The following UPF2 variants were observed in gnomAD, a reference collection of about 807,000 sequenced individuals.
The protein encoded by UPF2 is UPF2 regulator of nonsense mediated mRNA decay, also known as regulator of nonsense transcripts 2.
Under a neutral mutation model 141.4 loss-of-function variants are expected in UPF2, and 17 were observed. The observed-to-expected ratio is 0.12, with a 90% CI of 0.08 to 0.18. The LOEUF (loss-of-function observed/expected upper bound fraction) is 0.18, where lower values mean the gene tolerates loss of function less well. UPF2 is among the 10% of genes least tolerant of loss of function. The pLI, the probability that UPF2 is intolerant of heterozygous loss-of-function variation, is 1.00. For synonymous variants in UPF2, 540 were observed against 498.0 expected (o/e 1.08, Z -1.12); for missense variants, 1,152 against 1,515.9 (o/e 0.76, Z 3.99).
At chr10:11,986,998 T>C (rs766585157) in intron 8 of UPF2, among the ~76,000 whole-genome samples, 1 of 152,206 alleles carries the variant, frequency 6.6e-6, no homozygotes, top group Non-Finnish European at 1.5e-5. Flanking sequence ...AGCCAACACT[T>C]GGCTAAAACA....
intron 3 of UPF2, among the ~76,000 whole-genome samples, chr10:12,020,221 G>C (rs191864632): frequency 6.8e-5 from 10 of 147,580 alleles, no homozygotes; most frequent in Non-Finnish European, 7.5e-5. Context: ...ATTAATTTTT[G>C]CTTTGTATTA....
rs774508466 is a variant in UPF2 at position 11,959,385 on chromosome 10, A to C, written c.2185-29T>G. ...AAATAAAAAGTCCAAATTAATCAAA[A>C]CACGTTCCTTCTAAGATTCCTTTAC... On this transcript the variant is annotated intron_variant, in intron 11 of 21. Transcript: ENST00000357604. This position sits in a 1 kb window ranked among gnomAD's most constrained non-coding sequence, Gnocchi z 5.9. The C allele has an allele frequency of 6.5e-7, 1 of 1,529,118 alleles. No homozygotes were observed. Among genetic ancestry groups the C allele is most frequent in the Non-Finnish European group, 8.7e-7 (1 of 1,143,596 alleles). The allele number at this position is 1,529,118 out of a possible 1,614,324, so 94.7% of individuals were successfully genotyped here.
In UPF2 at chr10:11,921,577, G is replaced by C. The variant is rs749838675; in HGVS notation, c.3810-270C>G. The stretch of plus-strand genomic sequence containing the variant: ...TATTAGGTATTACAAGTAATGTAGA[G>C]ATGATGTAAAGTACACGGGAGGATG... On this transcript the variant is annotated intron_variant, in intron 21 of 21. Coordinates refer to ENST00000357604, the MANE Select transcript of UPF2 (RefSeq NM_015542.4). The surrounding 1 kb of genome is among the most constrained non-coding windows in gnomAD (Gnocchi z 5.9). Among the ~76,000 whole-genome samples the C allele has an allele frequency of 6.6e-6, 1 of 152,224 alleles. No individual in the cohort carries two copies. The highest frequency in any genetic ancestry group is 1.5e-5 in the Non-Finnish European group (1 of 68,044).
intron 18 of UPF2, among the ~76,000 whole-genome samples, chr10:11,938,788 G>A (rs1291080982): frequency 7.0e-6 from 1 of 142,340 alleles, no homozygotes; most frequent in East Asian, 2.1e-4. Flanking sequence ...AGGCAACACA[G>A]TAAAACAGTT....
chr10:12,017,930 T>A (rs7091532), intron 3 of UPF2, among the ~76,000 whole-genome samples: 2,112 of 152,306 alleles, frequency 0.014, 47 homozygotes, highest in African/African-American at 0.048. Flanking sequence ...TGTTTTGTTT[T>A]GTTTTTAATG....
Position 11,935,847 on chromosome 10 carries a change from G to A in UPF2, c.3546+698C>T, listed in dbSNP as rs186693003. Among the ~76,000 whole-genome samples, 55 of 152,210 alleles carry A rather than the reference G, an allele frequency of 3.6e-4. 1 individual carries two copies. Among genetic ancestry groups the A allele is most frequent in the Admixed American group, 3.4e-3 (52 of 15,284 alleles). On this transcript the variant is annotated intron_variant, in intron 19 of 21. Transcript: ENST00000357604. The surrounding 1 kb of genome is among the most constrained non-coding windows in gnomAD (Gnocchi z 4.9). Reference sequence around the variant, plus strand: ...TCGCTAGAGTAACAGCTTGGTAGAGGGGGAAACGGTTTTGAGGGACCATCT... The same window carrying A: ...TCGCTAGAGTAACAGCTTGGTAGAGAGGGAAACGGTTTTGAGGGACCATCT...
At position 12,014,048 on chromosome 10, in the gene UPF2, G is replaced by T; in HGVS notation, c.1282C>A (p.Pro428Thr). 6.3e-7 allele frequency: 1 copy of T among 1,579,008 alleles called. No homozygotes were observed. Among genetic ancestry groups the T allele is most frequent in the Non-Finnish European group, 8.6e-7 (1 of 1,162,124 alleles). The part of the protein sequence containing the change: ...DLLDENMPDL[P>T]QDKPTPEEHG... ...CCTTCTGGTGTTGGTTTGTCTTGAG[G>T]AAGATCTGGCATATTTTCATCCAAA... The change falls in exon 4 of 22, where the codon CCT becomes ACT. Residue 428 changes from proline (P) to threonine (T), a missense_variant. Around this residue, in one of 4 missense-constraint regions of UPF2, gnomAD observed 739 missense variants for 1,032.2 expected, o/e 0.72. Transcript: ENST00000357604. This position sits in a 1 kb window ranked among gnomAD's most constrained non-coding sequence, Gnocchi z 5.0.
intron 8 of UPF2, among the ~76,000 whole-genome samples, chr10:11,997,454 T>A (rs1204873768): frequency 2.0e-5 from 3 of 152,178 alleles, no homozygotes; most frequent in Non-Finnish European, 4.4e-5. Flanking sequence ...CATTTTATTT[T>A]AAAATAATTA....
At chr10:11,985,105 T>C (rs940499679) in intron 8 of UPF2, among the ~76,000 whole-genome samples, 5 of 152,184 alleles carry the variant, frequency 3.3e-5, no homozygotes, top group African/African-American at 1.2e-4. Context: ...TCAGCTTTAA[T>C]AGGGATTTTT....
intron 4 of UPF2, among the ~76,000 whole-genome samples, chr10:12,006,612 T>C (rs894595202): frequency 1.3e-5 from 2 of 152,096 alleles, no homozygotes; most frequent in Non-Finnish European, 2.9e-5. Context: ...AACACTGACA[T>C]ATTTACAACT....
In UPF2 at chr10:11,921,282, G is replaced by C. The variant is rs1479596937; in HGVS notation, c.*16C>G. The C allele has an allele frequency of 6.2e-7, 1 of 1,614,130 alleles. No homozygotes were observed. The highest frequency in any genetic ancestry group is 1.1e-5 in the South Asian group (1 of 91,074). On this transcript the variant is annotated 3_prime_UTR_variant, in exon 22 of 22. Transcript: ENST00000357604. The surrounding 1 kb of genome is among the most constrained non-coding windows in gnomAD (Gnocchi z 5.9). ...CATCAGATACAGGACCTAATGAAATGACACGTGCTGCTGGATCAACGTCTC... is the reference window on the plus strand; with the variant it reads ...CATCAGATACAGGACCTAATGAAATCACACGTGCTGCTGGATCAACGTCTC...
At chr10:11,997,124 A>G (rs1459363941) in intron 8 of UPF2, among the ~76,000 whole-genome samples, 1 of 152,244 alleles carries the variant, frequency 6.6e-6, no homozygotes, top group Non-Finnish European at 1.5e-5. Flanking sequence ...ATAATGCATC[A>G]GAATTCTCTA....
At chr10:11,981,159 T>C (rs1427561407) in intron 8 of UPF2, among the ~76,000 whole-genome samples, 1 of 151,966 alleles carries the variant, frequency 6.6e-6, no homozygotes, top group Non-Finnish European at 1.5e-5. Flanking sequence ...CGAGACTTTG[T>C]CTCAAAAAGA....
chr10:11,959,251 C>A lies in UPF2; in HGVS notation c.2290G>T (p.Val764Leu). The A allele has an allele frequency of 1.2e-6, 2 of 1,613,460 alleles. No individual in the cohort carries two copies. The highest frequency in any genetic ancestry group is 1.7e-6 in the Non-Finnish European group (2 of 1,179,822). The change falls in exon 12 of 22, where the codon GTG (valine) becomes TTG (leucine). Residue 764 changes from valine to leucine, a missense_variant. Around this residue, in one of 4 missense-constraint regions of UPF2, gnomAD observed 739 missense variants for 1,032.2 expected, o/e 0.72. Transcript: ENST00000357604. This position sits in a 1 kb window ranked among gnomAD's most constrained non-coding sequence, Gnocchi z 5.9. ...YCNPPPAEKT[V>L]KKKRPPLQEY... ...TGGAGAGGAGGACGTTTCTTTTTCA[C>A]GGTTTTTTCAGCTGGAGGTGGGTTG...
At chr10:11,974,012 C>T (rs1422256749) in intron 9 of UPF2, among the ~76,000 whole-genome samples, 3 of 152,126 alleles carry the variant, frequency 2.0e-5, no homozygotes, top group Admixed American at 6.5e-5. Context: ...TCTTCCTATC[C>T]GTGAGCATGG....
In UPF2 at chr10:11,975,758, C is replaced by T. The variant is rs551684095; in HGVS notation, c.1953+3299G>A. Among the ~76,000 whole-genome samples the T allele has an allele frequency of 3.1e-4, 47 of 152,080 alleles. No individual in the cohort carries two copies. In the South Asian group the frequency reaches 9.5e-3, roughly 31 times the overall value. ...TCTCGAACTCCCAACCTCCGGTAAT[C>T]CACCCGCCTTGGCCTCCCAAAATGC... On this transcript the variant is annotated intron_variant, in intron 9 of 21. Coordinates refer to ENST00000357604, the MANE Select transcript of UPF2 (RefSeq NM_015542.4).
intron 9 of UPF2, among the ~76,000 whole-genome samples, chr10:11,970,502 A>G (rs1833398642): frequency 6.6e-6 from 1 of 152,106 alleles, no homozygotes; most frequent in Admixed American, 6.6e-5. Flanking sequence ...CACGTAAGAA[A>G]GCACATCAAA....
At chr10:12,017,266 C>G (rs189279683) in intron 3 of UPF2, among the ~76,000 whole-genome samples, 1 of 152,162 alleles carries the variant, frequency 6.6e-6, no homozygotes, top group Non-Finnish European at 1.5e-5. Flanking sequence ...CTCAGAATAA[C>G]ATAACCCAAA....
chr10:12,040,175 C>A (rs1414637053), intron 1 of UPF2, among the ~76,000 whole-genome samples: 1 of 152,044 alleles, frequency 6.6e-6, no homozygotes, highest in Admixed American at 6.6e-5. Context: ...AATCCCAGCA[C>A]TTTGGGAGGC....
Sources: allele counts gnomAD v4.1 joint callset (sites outside exome capture counted in the v4.1 genomes callset), GRCh38; gene constraint gnomAD v4.1.1; regional missense constraint gnomAD v4.1.1; non-coding constraint Gnocchi (gnomAD v3.1); transcripts MANE v1.5; gene names NCBI Gene and HGNC (gene_info 2026-07-23, HGNC 2026-07-21).